Variants in MSR1 observed in about 807,000 individuals in gnomAD.
MSR1 encodes macrophage scavenger receptor 1.
A neutral mutation model predicts 47.2 loss-of-function variants in MSR1; 53 were observed. The observed-to-expected ratio is 1.12, with a 90% CI of 0.90 to 1.41. The LOEUF (loss-of-function observed/expected upper bound fraction) is 1.41, where lower values mean the gene tolerates loss of function less well. Among genes scored for constraint, MSR1 ranks in the 40% most tolerant of loss-of-function variants. The pLI is 0.00. For missense variants in MSR1, 786 were observed against 546.9 expected (o/e 1.44, Z -4.36); for synonymous variants, 239 against 185.6 (o/e 1.29, Z -2.34).
Position 16,175,283 on chromosome 8 carries a change from A to G in MSR1, c.121T>C (p.Ser41Pro), listed in dbSNP as rs780154644. 1.9e-6 allele frequency: 3 copies of G among 1,613,946 alleles called. No individual in the cohort carries two copies. The highest frequency in any genetic ancestry group is 2.7e-5 in the African/African-American group (2 of 74,932). ...LLPPNPKNSPSLQEKLKSFKA... is the reference protein window; with the variant it reads ...LLPPNPKNSPPLQEKLKSFKA... ...AAGGACTTCAGTTTCTCTTGAAGGG[A>G]AGGGCTGTTTTTAGGATCTAATAAA... The change falls in exon 3 of 10, where the codon TCC becomes CCC. Residue 41 changes from serine (S) to proline (P), a missense_variant. By Grantham distance (74) the Ser-to-Pro change is moderately conservative (BLOSUM62 -1). Coordinates refer to ENST00000262101, the MANE Select transcript of MSR1 (RefSeq NM_138715.3).
intron 6 of MSR1, 50 bp downstream of exon 6, chr8:16,155,014 T>G: frequency 6.9e-7 from 1 of 1,443,050 alleles, no homozygotes; most frequent in Non-Finnish European, 9.7e-7. Context: ...TACCTGGATG[T>G]ATATCATCTA....
At chr8:16,132,345 T>G (rs1585145832) in intron 8 of MSR1, among the ~76,000 whole-genome samples, 1 of 152,148 alleles carries the variant, frequency 6.6e-6, no homozygotes, top group Non-Finnish European at 1.5e-5. Context: ...TTTTGTATCC[T>G]GAAACTTTGT....
chr8:16,186,380 G>T, intron 1 of MSR1: 1 of 578,140 alleles, frequency 1.7e-6, no homozygotes, highest in Non-Finnish European at 3.0e-6. Flanking sequence ...TGACTCTTAA[G>T]TCTTTATCTC....
At position 16,109,794 on chromosome 8, in the gene MSR1, TA is replaced by T; in HGVS notation, c.*290del. ...GCCAATTACTGGTATGCATTTCTAT[TA>T]CCCTTGGCCTTTGTAATCTGGAAGC... is the stretch of plus-strand genomic sequence containing the variant. On this transcript the variant is annotated 3_prime_UTR_variant, in exon 10 of 10. Coordinates refer to ENST00000262101, the MANE Select transcript of MSR1 (RefSeq NM_138715.3). 1 of 376,768 alleles carries T rather than the reference TA, an allele frequency of 2.7e-6. No individual in the cohort carries two copies. 23.3% of individuals were successfully genotyped at this position (376,768 alleles called of 1,614,324 possible).
intron 8 of MSR1, chr8:16,139,682 A>G (rs1465832631): frequency 3.1e-6 from 3 of 974,454 alleles, no homozygotes; most frequent in Admixed American, 6.4e-5. Flanking sequence ...GTAATACATG[A>G]AAAGTTTTAT....
intron 9 of MSR1, among the ~76,000 whole-genome samples, chr8:16,115,200 T>C (rs181723449): frequency 6.6e-6 from 1 of 152,268 alleles, no homozygotes; most frequent in East Asian, 1.9e-4. Flanking sequence ...TTGTTTTCTT[T>C]TTGTTTCAAT....
chr8:16,170,631 T>C (rs1203332931), intron 3 of MSR1, among the ~76,000 whole-genome samples: 1 of 152,222 alleles, frequency 6.6e-6, no homozygotes, highest in Non-Finnish European at 1.5e-5. Flanking sequence ...ATAAAAGTGA[T>C]ATGGTGATAG....
At chr8:16,128,678 T>C (rs536875791) in intron 8 of MSR1, among the ~76,000 whole-genome samples, 37 of 152,312 alleles carry the variant, frequency 2.4e-4, no homozygotes, top group Admixed American at 5.2e-4. Context: ...CTTCAGTGCA[T>C]ATAAACTTAA....
intron 3 of MSR1, among the ~76,000 whole-genome samples, chr8:16,169,632 C>A (rs974313854): frequency 2.6e-5 from 4 of 152,000 alleles, no homozygotes; most frequent in Admixed American, 6.5e-5. Flanking sequence ...CGTGTCTCAA[C>A]CCTTATCATA....
At chr8:16,165,669 T>C (rs1801284118) in intron 4 of MSR1, among the ~76,000 whole-genome samples, 1 of 152,080 alleles carries the variant, frequency 6.6e-6, no homozygotes, top group Admixed American at 6.5e-5. Flanking sequence ...AATCCAGAAG[T>C]AAAAAGAATA....
At chr8:16,176,322 C>A (rs1452157050) in intron 2 of MSR1, among the ~76,000 whole-genome samples, 1 of 151,942 alleles carries the variant, frequency 6.6e-6, no homozygotes, top group Non-Finnish European at 1.5e-5. Context: ...GCCTGGGCAA[C>A]ATGGAGAAAC....
rs771908401 is a variant in MSR1, at chr8:16,168,595, A to C, written c.493T>G (p.Ser165Ala). 25 of 1,614,044 alleles carry C rather than the reference A, an allele frequency of 1.5e-5. No homozygotes were observed. Among genetic ancestry groups the C allele is most frequent in the Non-Finnish European group, 1.9e-5 (23 of 1,180,026 alleles). ...ILLQLSTLFSSVQGHGNAIDE... is the reference protein window; with the variant it reads ...ILLQLSTLFSAVQGHGNAIDE... ...ATTGCATTCCCATGTCCCTGGACTG[A>C]GGAAAACAAGGTACTTAGCTGCAGA... The change falls in exon 4 of 10, where the codon TCA becomes GCA. Residue 165 changes from serine to alanine, a missense_variant. Physicochemically the swap from Ser to Ala is moderately conservative, Grantham distance 99. Coordinates refer to ENST00000262101, the MANE Select transcript of MSR1 (RefSeq NM_138715.3).
chr8:16,158,105 C>T (rs1425424437), intron 5 of MSR1, among the ~76,000 whole-genome samples: 1 of 151,766 alleles, frequency 6.6e-6, no homozygotes, highest in Non-Finnish European at 1.5e-5. Context: ...CTTGCTGATA[C>T]ATGTCAAAAA....
rs1246922248 is a variant in MSR1, at chr8:16,175,277, G to T, written c.127C>A (p.Gln43Lys). The change falls in exon 3 of 10, where the codon CAA becomes AAA. Residue 43 changes from glutamine to lysine, a missense_variant. Coordinates refer to ENST00000262101, the MANE Select transcript of MSR1 (RefSeq NM_138715.3). ...GCTTTGAAGGACTTCAGTTTCTCTTGAAGGGAAGGGCTGTTTTTAGGATCT... is the reference window on the plus strand; with the variant it reads ...GCTTTGAAGGACTTCAGTTTCTCTTTAAGGGAAGGGCTGTTTTTAGGATCT... The part of the protein sequence containing the change: ...PPNPKNSPSL[Q>K]EKLKSFKAAL... The T allele has an allele frequency of 1.2e-6, 2 of 1,613,918 alleles. No individual in the cohort carries two copies. The highest frequency in any genetic ancestry group is 1.3e-5 in the African/African-American group (1 of 74,928).
chr8:16,178,409 C>T (rs1030782404), intron 1 of MSR1, among the ~76,000 whole-genome samples: 12 of 152,226 alleles, frequency 7.9e-5, no homozygotes, highest in African/African-American at 2.4e-4. Context: ...CCAGCTTCAT[C>T]CATGTCCCTA....
chr8:16,175,313 A>T lies in MSR1; in HGVS notation c.104-13T>A. On this transcript the variant is annotated splice_polypyrimidine_tract_variant and intron_variant, in intron 2 of 9. Transcript: ENST00000262101. ...CTGTTTTTAGGATCTAATAAAACAAAAAAGCCCAGCCTACTGTTAGAAAGT... is the reference window on the plus strand; with the variant it reads ...CTGTTTTTAGGATCTAATAAAACAATAAAGCCCAGCCTACTGTTAGAAAGT... 6.3e-7 allele frequency: 1 copy of T among 1,596,594 alleles called. No individual in the cohort carries two copies. Among genetic ancestry groups the T allele is most frequent in the Non-Finnish European group, 8.6e-7 (1 of 1,164,014 alleles).
chr8:16,123,982 C>T (rs1264697026), intron 8 of MSR1, among the ~76,000 whole-genome samples: 1 of 152,160 alleles, frequency 6.6e-6, no homozygotes, highest in Non-Finnish European at 1.5e-5. Context: ...TGTCTGTTAA[C>T]AGCTCCTAAG....
intron 7 of MSR1, among the ~76,000 whole-genome samples, chr8:16,145,672 T>C (rs1800676851): frequency 1.3e-5 from 2 of 152,146 alleles, no homozygotes; most frequent in South Asian, 4.1e-4. Flanking sequence ...CTGTGACTTT[T>C]CCTTTTAAAG....
intron 8 of MSR1, among the ~76,000 whole-genome samples, chr8:16,136,059 C>A (rs1421394179): frequency 6.6e-6 from 1 of 152,084 alleles, no homozygotes; most frequent in Non-Finnish European, 1.5e-5. Context: ...GTTGAGACGA[C>A]AACAAAGGAT....
Sources: allele counts gnomAD v4.1 joint callset (sites outside exome capture counted in the v4.1 genomes callset), GRCh38; gene constraint gnomAD v4.1.1; transcripts MANE v1.5; gene names NCBI Gene and HGNC (gene_info 2026-07-23, HGNC 2026-07-21).